The following RFWD3 variants were observed in gnomAD, a reference collection of about 807,000 sequenced individuals.
RFWD3 encodes the protein E3 ubiquitin-protein ligase RFWD3.
Under a neutral mutation model 87.7 loss-of-function variants are expected in RFWD3, and 65 were observed. The observed-to-expected ratio is 0.74, with a 90% CI of 0.61 to 0.91. RFWD3 has a LOEUF of 0.91. Among genes scored for constraint, RFWD3 ranks in the 40% least tolerant of loss-of-function variants. RFWD3 has a pLI of 0.00. For missense variants in RFWD3, 1,078 were observed against 938.5 expected (o/e 1.15, Z -1.94); for synonymous variants, 433 against 352.8 (o/e 1.23, Z -2.55).
At chr16:74,632,061 G>A (rs942850336) in intron 9 of RFWD3, among the ~76,000 whole-genome samples, 7 of 152,076 alleles carry the variant, frequency 4.6e-5, no homozygotes, top group Non-Finnish European at 1.0e-4. Context: ...TATTTTAAAT[G>A]GATCTCAGAA....
chr16:74,665,938 TC>T, intron 1 of RFWD3, among the ~76,000 whole-genome samples: 1 of 152,102 alleles, frequency 6.6e-6, no homozygotes, highest in Non-Finnish European at 1.5e-5. Flanking sequence ...CCTCAGGTGA[TC>T]CGACTGCCTC....
Position 74,623,950 on chromosome 16 carries a change from A to T in RFWD3, c.2303T>A (p.Val768Asp). The T allele has an allele frequency of 6.2e-7, 1 of 1,614,114 alleles. No individual in the cohort carries two copies. Among genetic ancestry groups the T allele is most frequent in the Non-Finnish European group, 8.5e-7 (1 of 1,180,000 alleles). The change falls in exon 13 of 13, where the codon GTC (valine) becomes GAC (aspartate). Residue 768 changes from valine (V) to aspartate (D), a missense_variant. Transcript: ENST00000361070. ...SYLATLTEKM[V>D]HIYKWE ...CAGTCACTCCCACTTATAGATGTGGACCATCTTCTCTGTTAAGGTAGCCAA... is the reference window on the plus strand; with the variant it reads ...CAGTCACTCCCACTTATAGATGTGGTCCATCTTCTCTGTTAAGGTAGCCAA...
At chr16:74,639,154 C>T (rs1324859162) in intron 6 of RFWD3, among the ~76,000 whole-genome samples, 1 of 151,770 alleles carries the variant, frequency 6.6e-6, no homozygotes, top group Non-Finnish European at 1.5e-5. Flanking sequence ...TTTCTTGCCT[C>T]AGCCTCCCAA....
At chr16:74,633,801 T>A (rs914275627) in intron 8 of RFWD3, among the ~76,000 whole-genome samples, 9 of 151,826 alleles carry the variant, frequency 5.9e-5, no homozygotes, top group Non-Finnish European at 1.2e-4. Context: ...AATATGAGAA[T>A]TAGCTGGGCG....
At chr16:74,647,305 T>G (rs1043674818) in intron 4 of RFWD3, among the ~76,000 whole-genome samples, 8 of 152,096 alleles carry the variant, frequency 5.3e-5, no homozygotes, top group African/African-American at 1.9e-4. Flanking sequence ...ATTTTTTTTT[T>G]GACATGGAGT....
rs943537106 is a variant in RFWD3 at position 74,641,164 on chromosome 16, A to AT, written c.1080-3195dup. ...TACCAATGTAAAACACAAACAGATA[A>AT]TTTTTTTTTTTTTTGAAGACAGAGT... is the stretch of plus-strand genomic sequence containing the variant. On this transcript the variant is annotated intron_variant, in intron 6 of 12. Coordinates refer to ENST00000361070, the MANE Select transcript of RFWD3 (RefSeq NM_018124.4). Among the ~76,000 whole-genome samples the AT allele has an allele frequency of 2.7e-3, 397 of 145,614 alleles. 5 individuals carry two copies. The highest frequency in any genetic ancestry group is 7.1e-3 in the Middle Eastern group (2 of 280).
intron 11 of RFWD3, 90 bp from the exon 12 acceptor site, chr16:74,626,644 T>C (rs1435179306): frequency 1.0e-6 from 1 of 994,978 alleles, no homozygotes; most frequent in Admixed American, 2.3e-5. Flanking sequence ...ACAACCTAGT[T>C]GGATGGAAAA....
At chr16:74,628,759 CAG>C in intron 10 of RFWD3, 93 bp from the exon 11 acceptor site, 1 of 1,099,910 alleles carries the variant, frequency 9.1e-7, no homozygotes, top group Non-Finnish European at 1.4e-6. Context: ...CCCACCTCTG[CAG>C]AGGAGGTTAA....
Position 74,660,914 on chromosome 16 carries a change from A to C in RFWD3, c.518+18T>G. 1.2e-6 allele frequency: 2 copies of C among 1,600,670 alleles called. No individual in the cohort carries two copies. The highest frequency in any genetic ancestry group is 2.2e-5 in the South Asian group (2 of 89,562). On this transcript the variant is annotated intron_variant, in intron 2 of 12. Coordinates refer to ENST00000361070, the MANE Select transcript of RFWD3 (RefSeq NM_018124.4). Reference sequence around the variant, plus strand: ...CTAGTACAGCAATGATCACAGACTTATCCATATATTTATTTACCTGGCACT... The same window carrying C: ...CTAGTACAGCAATGATCACAGACTTCTCCATATATTTATTTACCTGGCACT...
At chr16:74,634,279 G>T (rs1010460168) in intron 8 of RFWD3, among the ~76,000 whole-genome samples, 1 of 152,066 alleles carries the variant, frequency 6.6e-6, no homozygotes, top group Non-Finnish European at 1.5e-5. Flanking sequence ...TTACTGAAGT[G>T]GGGGGAAAAT....
At chr16:74,640,685 A>G (rs1597430375) in intron 6 of RFWD3, among the ~76,000 whole-genome samples, 1 of 150,488 alleles carries the variant, frequency 6.6e-6, no homozygotes, top group East Asian at 2.1e-4. Context: ...CATGCCTGTA[A>G]TCCCAGCACT....
intron 11 of RFWD3, among the ~76,000 whole-genome samples, chr16:74,627,941 A>C (rs1958985047): frequency 6.6e-6 from 1 of 152,240 alleles, no homozygotes; most frequent in Non-Finnish European, 1.5e-5. Flanking sequence ...TAGCCTAGAA[A>C]GAACCTGTGA....
At chr16:74,658,354 T>G (rs1175327871) in intron 2 of RFWD3, among the ~76,000 whole-genome samples, 1 of 152,214 alleles carries the variant, frequency 6.6e-6, no homozygotes, top group Admixed American at 6.5e-5. Context: ...AGAAAGGAGT[T>G]TGTGACCTCA....
In RFWD3 at chr16:74,644,409, G is replaced by C. The variant is rs745341659; in HGVS notation, c.1032C>G (p.Ala344=). Reference sequence around the variant, plus strand: ...TAGTGTCCAAAGCTCTCAGGGTTCGGGCATAAAGGACGACAATGTCACTGT... The same window carrying C: ...TAGTGTCCAAAGCTCTCAGGGTTCGCGCATAAAGGACGACAATGTCACTGT... ...ARHSDIVVLY[A]RTLRALDTSE... Residue 344 remains alanine (A), a synonymous_variant, in exon 6 of 13, where the codon GCC becomes GCG. Transcript: ENST00000361070. 4.3e-6 allele frequency: 7 copies of C among 1,613,980 alleles called. 1 individual carries two copies. Among genetic ancestry groups the C allele is most frequent in the Non-Finnish European group, 5.9e-6 (7 of 1,180,040 alleles).
At chr16:74,638,013 A>G (rs76497052) in intron 6 of RFWD3, 43 bp from the exon 7 acceptor site, 31,910 of 1,346,528 alleles carry the variant, frequency 0.024, 435 homozygotes, top group Middle Eastern at 0.028. Context: ...TAGGAAGGCT[A>G]CAGAAGACTT....
intron 10 of RFWD3, among the ~76,000 whole-genome samples, chr16:74,629,733 T>C (rs1467382379): frequency 1.3e-5 from 2 of 152,222 alleles, no homozygotes; most frequent in African/African-American, 4.8e-5. Flanking sequence ...TAAAGAATTA[T>C]TACTTTAGTG....
intron 7 of RFWD3, among the ~76,000 whole-genome samples, chr16:74,637,592 C>G (rs554447826): frequency 1.3e-5 from 2 of 152,296 alleles, no homozygotes; most frequent in South Asian, 4.1e-4. Context: ...GAGATCACAT[C>G]ACTGCACTCC....
At chr16:74,637,547 C>A (rs947886568) in intron 7 of RFWD3, among the ~76,000 whole-genome samples, 1 of 151,998 alleles carries the variant, frequency 6.6e-6, no homozygotes, top group Non-Finnish European at 1.5e-5. Flanking sequence ...GCAGGAGAAC[C>A]GCTTGAACCC....
intron 11 of RFWD3, among the ~76,000 whole-genome samples, chr16:74,627,382 T>C (rs1184972765): frequency 2.0e-5 from 3 of 152,188 alleles, no homozygotes; most frequent in Non-Finnish European, 2.9e-5. Context: ...GTTTGAAATA[T>C]AGCCCACTTG....
Sources: allele counts gnomAD v4.1 joint callset (sites outside exome capture counted in the v4.1 genomes callset), GRCh38; gene constraint gnomAD v4.1.1; transcripts MANE v1.5; gene names NCBI Gene and HGNC (gene_info 2026-07-23, HGNC 2026-07-21).